Variants in DIS3L2 observed in about 807,000 individuals in gnomAD.
DIS3L2 encodes the protein DIS3-like exonuclease 2.
A neutral mutation model predicts 97.5 loss-of-function variants in DIS3L2; 34 were observed. The observed-to-expected ratio is 0.35, with a 90% CI of 0.27 to 0.46. DIS3L2 has a LOEUF of 0.46. DIS3L2 is among the 20% of genes least tolerant of loss of function. DIS3L2 has a pLI of 1.00. For synonymous variants in DIS3L2, 435 were observed against 445.2 expected (o/e 0.98, Z 0.29); for missense variants, 1,038 against 1,146.0 (o/e 0.91, Z 1.36).
At chr2:231,992,634 T>A (rs933981427) in intron 1 of DIS3L2, among the ~76,000 whole-genome samples, 2 of 152,052 alleles carry the variant, frequency 1.3e-5, no homozygotes, top group African/African-American at 4.8e-5. Flanking sequence ...TGCTTCCCCC[T>A]TGCACCTCTC....
chr2:232,329,928 A>G lies in DIS3L2; in HGVS notation c.1855A>G (p.Ser619Gly), dbSNP rs764730412. Residue 619 changes from serine (S) to glycine (G), a missense_variant, in exon 15 of 21, where the codon AGT (serine) becomes GGT (glycine). Ser to Gly is a moderately conservative substitution (Grantham distance 56, BLOSUM62 0). Coordinates refer to ENST00000325385, the MANE Select transcript of DIS3L2 (RefSeq NM_152383.5). Reference protein sequence around the residue: ...RHPPPQTRMLSDLVEFCDQMG... With the variant: ...RHPPPQTRMLGDLVEFCDQMG... Reference sequence around the variant, plus strand: ...CCCCCCGCCCCAAACAAGGATGCTCAGTGACCTGGTGGAATTCTGCGACCA... The same window carrying G: ...CCCCCCGCCCCAAACAAGGATGCTCGGTGACCTGGTGGAATTCTGCGACCA... 8 of 1,613,028 alleles carry G rather than the reference A, an allele frequency of 5.0e-6. No homozygotes were observed. Among genetic ancestry groups the G allele is most frequent in the Non-Finnish European group, 5.9e-6 (7 of 1,179,816 alleles).
intron 6 of DIS3L2, among the ~76,000 whole-genome samples, chr2:232,111,561 T>A (rs1161962690): frequency 1.3e-5 from 2 of 152,192 alleles, no homozygotes; most frequent in African/African-American, 2.4e-5. Context: ...TTCTAATCTA[T>A]ACTGTTCAGT....
chr2:232,248,616 C>T (rs1693330339), intron 11 of DIS3L2, among the ~76,000 whole-genome samples: 1 of 152,066 alleles, frequency 6.6e-6, no homozygotes, highest in Non-Finnish European at 1.5e-5. Context: ...ACAGAAAGAT[C>T]AATAAGGAGA....
At chr2:232,157,215 T>G (rs117280227) in intron 8 of DIS3L2, among the ~76,000 whole-genome samples, 1 of 152,322 alleles carries the variant, frequency 6.6e-6, no homozygotes, top group East Asian at 1.9e-4. Flanking sequence ...CTAAAACCTT[T>G]CAACTGTAGA....
intron 2 of DIS3L2, 102 bp from the exon 3 acceptor site, chr2:232,015,409 CTTG>C: frequency 6.9e-7 from 1 of 1,440,398 alleles, no homozygotes; most frequent in Non-Finnish European, 9.3e-7. Flanking sequence ...GTTTCAGTCT[CTTG>C]TTGGTCTCTT....
intron 13 of DIS3L2, among the ~76,000 whole-genome samples, chr2:232,290,195 TTGG>T (rs1559195185): frequency 6.6e-6 from 1 of 152,254 alleles, no homozygotes; most frequent in Non-Finnish European, 1.5e-5. Context: ...GATGAGCAGA[TTGG>T]CTGCACTCTC....
chr2:232,298,271 C>A (rs1463915256), intron 13 of DIS3L2, among the ~76,000 whole-genome samples: 1 of 152,158 alleles, frequency 6.6e-6, no homozygotes, highest in Non-Finnish European at 1.5e-5. Flanking sequence ...TCCTACATTT[C>A]TGATGATTTT....
chr2:232,280,625 TGTG>T (rs1342448449), intron 13 of DIS3L2, among the ~76,000 whole-genome samples: 1 of 152,134 alleles, frequency 6.6e-6, no homozygotes, highest in Non-Finnish European at 1.5e-5. Flanking sequence ...TGGAGTGTAA[TGTG>T]GTGGGAAGAA....
chr2:232,335,396 T>A, intron 19 of DIS3L2: 1 of 244,814 alleles, frequency 4.1e-6, no homozygotes, highest in Non-Finnish European at 8.0e-6. Flanking sequence ...ATCCTGAAGT[T>A]CAAGCCTAGC....
Position 232,343,135 on chromosome 2 carries a change from C to T in DIS3L2, c.1582-210C>T, listed in dbSNP as rs1479523481. ...GGTCTTCTGGAAGTAACTGAAGGCC[C>T]CCTCAACCTGGCTCATCATCAAAGC... On this transcript the variant is annotated intron_variant, in intron 13 of 13. Transcript: ENST00000273009. 7 of 568,584 alleles carry T rather than the reference C, an allele frequency of 1.2e-5. No individual in the cohort carries two copies. In the African/African-American group the frequency reaches 1.3e-4, roughly 11 times the overall value. 35.2% of individuals were successfully genotyped at this position (568,584 alleles called of 1,614,324 possible).
chr2:232,100,192 A>ATTTTTT (rs10594218), intron 6 of DIS3L2, among the ~76,000 whole-genome samples: 1 of 112,524 alleles, frequency 8.9e-6, no homozygotes, highest in African/African-American at 3.5e-5. Flanking sequence ...CCCTGCTAAT[A>ATTTTTT]TTTTTTTTTT....
chr2:232,054,520 G>A (rs1695491463), intron 5 of DIS3L2, among the ~76,000 whole-genome samples: 1 of 152,106 alleles, frequency 6.6e-6, no homozygotes, highest in African/African-American at 2.4e-5. Context: ...AAATTCATTA[G>A]GGAAAGAACA....
chr2:232,316,576 A>G (rs1036758807), intron 14 of DIS3L2, among the ~76,000 whole-genome samples: 6 of 152,110 alleles, frequency 3.9e-5, no homozygotes, highest in Admixed American at 6.5e-5. Flanking sequence ...ATTCTGTTCA[A>G]TGGGAGGAAA....
At chr2:232,341,557 G>A (rs1022537261), downstream of DIS3L2, among the ~76,000 whole-genome samples, 1 of 152,226 alleles carries the variant, frequency 6.6e-6, no homozygotes, top group African/African-American at 2.4e-5. Context: ...TGCCGAGTCA[G>A]GATCTAGTTT....
chr2:232,209,332 C>T (rs986721510), intron 9 of DIS3L2, among the ~76,000 whole-genome samples: 2 of 152,196 alleles, frequency 1.3e-5, no homozygotes, highest in Non-Finnish European at 1.5e-5. Context: ...TTATAGCTCA[C>T]TGCTGCCAAG....
At chr2:232,095,914 G>C (rs1348584462) in intron 6 of DIS3L2, among the ~76,000 whole-genome samples, 3 of 151,814 alleles carry the variant, frequency 2.0e-5, no homozygotes, top group African/African-American at 7.3e-5. Flanking sequence ...TGGAAAGTCT[G>C]CTGCCACATG....
At chr2:232,060,419 A>G (rs571739070) in intron 5 of DIS3L2, among the ~76,000 whole-genome samples, 1 of 152,234 alleles carries the variant, frequency 6.6e-6, no homozygotes, top group African/African-American at 2.4e-5. Context: ...GTATATGGCA[A>G]AAGATTGGGC....
intron 5 of DIS3L2, among the ~76,000 whole-genome samples, chr2:232,058,293 C>G (rs894491319): frequency 6.6e-6 from 1 of 152,150 alleles, no homozygotes. Context: ...TATTGAGTAG[C>G]AAAGCCAGTA....
At chr2:232,220,999 G>A (rs937794568) in intron 10 of DIS3L2, among the ~76,000 whole-genome samples, 1 of 151,200 alleles carries the variant, frequency 6.6e-6, no homozygotes, top group Non-Finnish European at 1.5e-5. Context: ...CTACTCGGGA[G>A]GCTGAGGCAG....
Sources: gnomAD v4.1 joint callset for allele counts (sites outside exome capture counted in the v4.1 genomes callset) on GRCh38, gnomAD v4.1.1 for gene constraint, MANE v1.5 for transcripts, NCBI Gene and HGNC (gene_info 2026-07-23, HGNC 2026-07-21) for gene names.